Variants in MCF2L observed in about 807,000 individuals in gnomAD.
MCF2L encodes guanine nucleotide exchange factor DBS.
Under a neutral mutation model 153.4 loss-of-function variants are expected in MCF2L, and 97 were observed. The observed-to-expected ratio is 0.63, with a 90% CI of 0.54 to 0.75. MCF2L has a LOEUF of 0.75. Ranked by LOEUF, MCF2L falls within the 30% of genes least tolerant of loss-of-function variation. The probability of loss-of-function intolerance (pLI) is 0.00; values close to 1 mark genes in which losing one functional copy is unlikely to be tolerated. For synonymous variants in MCF2L, 659 were observed against 632.2 expected (o/e 1.04, Z -0.64); for missense variants, 1,347 against 1,495.2 (o/e 0.90, Z 1.64).
At chr13:112,937,334 A>C (rs1394815235) in intron 2 of MCF2L, among the ~76,000 whole-genome samples, 2 of 152,204 alleles carry the variant, frequency 1.3e-5, no homozygotes, top group Non-Finnish European at 2.9e-5. Context: ...GGATGATTAC[A>C]TATATTTTTT....
intron 11 of MCF2L, 25 bp downstream of exon 11, chr13:113,075,214 ACTCC>A (rs1421197588): frequency 6.5e-7 from 1 of 1,545,514 alleles, no homozygotes; most frequent in African/African-American, 1.4e-5. Flanking sequence ...ACCCCACCCC[ACTCC>A]CCCCCAGCTG....
chr13:112,960,308 A>G lies in MCF2L; in HGVS notation c.170-54455A>G, dbSNP rs2081809452. 6.6e-6 allele frequency among the ~76,000 whole-genome samples: 1 copy of G among 152,186 alleles called. No individual in the cohort carries two copies. Among genetic ancestry groups the G allele is most frequent in the African/African-American group, 2.4e-5 (1 of 41,450 alleles). ...GAGAGGGGGCCAAGCGCGCTCTCACAACTGAAACAGCGCTCGTCCAGTCAT... is the reference window on the plus strand; with the variant it reads ...GAGAGGGGGCCAAGCGCGCTCTCACGACTGAAACAGCGCTCGTCCAGTCAT... On this transcript the variant is annotated intron_variant, in intron 2 of 29. Transcript: ENST00000375608. This position sits in a 1 kb window ranked among gnomAD's most constrained non-coding sequence, Gnocchi z 4.2.
At chr13:112,936,674 C>G (rs2081518462) in intron 2 of MCF2L, among the ~76,000 whole-genome samples, 1 of 152,118 alleles carries the variant, frequency 6.6e-6, no homozygotes, top group Admixed American at 6.5e-5. Flanking sequence ...CAGTATGCTC[C>G]CAAACATTTA....
rs376671600 is a variant in MCF2L at position 112,999,415 on chromosome 13, C to T, written c.80-15348C>T. On this transcript the variant is annotated intron_variant, in intron 1 of 29. Coordinates refer to ENST00000535094, the MANE Select transcript of MCF2L (RefSeq NM_001112732.3). ...CGACGCCCTCTCCTTAGAGGACAGC[C>T]TCTGGCACCGCTCACTCACTGTCCC... Among the ~76,000 whole-genome samples the T allele has an allele frequency of 1.2e-4, 18 of 152,368 alleles. No homozygotes were observed. The South Asian group carries it at 2.3e-3, about 19-fold the overall frequency.
intron 2 of MCF2L, among the ~76,000 whole-genome samples, chr13:112,918,761 T>C (rs1217962685): frequency 6.6e-6 from 1 of 152,178 alleles, no homozygotes; most frequent in African/African-American, 2.4e-5. Context: ...ATGCAGCATT[T>C]TAATTCACTG....
chr13:112,917,304 T>C, intron 2 of MCF2L: 1 of 393,368 alleles, frequency 2.5e-6, no homozygotes, highest in Non-Finnish European at 5.1e-6. Flanking sequence ...TCACTGCACC[T>C]CTCCGTCCAG....
intron 2 of MCF2L, among the ~76,000 whole-genome samples, chr13:113,016,968 C>T (rs1200681343): frequency 6.6e-6 from 1 of 152,226 alleles, no homozygotes; most frequent in Non-Finnish European, 1.5e-5. Context: ...GAGGGCTCAG[C>T]CATGGGCCCA....
intron 2 of MCF2L, chr13:112,917,434 C>T (rs530707944): frequency 8.1e-5 from 27 of 334,400 alleles, no homozygotes; most frequent in South Asian, 2.8e-4. Context: ...GCCAGGCTAC[C>T]GCCCTGTCTC....
intron 3 of MCF2L, among the ~76,000 whole-genome samples, chr13:113,039,638 A>C (rs1306614959): frequency 1.3e-5 from 2 of 152,236 alleles, no homozygotes; most frequent in Non-Finnish European, 2.9e-5. Flanking sequence ...AGAATCTAGT[A>C]GAAAAACAAC....
At chr13:112,992,722 A>AGG (rs1159683957) in intron 1 of MCF2L, among the ~76,000 whole-genome samples, 1 of 152,206 alleles carries the variant, frequency 6.6e-6, no homozygotes, top group Non-Finnish European at 1.5e-5. Context: ...CTTGGCACTT[A>AGG]CGTAACTTAC....
intron 21 of MCF2L, among the ~76,000 whole-genome samples, chr13:113,086,668 G>T (rs1440164544): frequency 6.6e-6 from 1 of 152,132 alleles, no homozygotes; most frequent in Non-Finnish European, 1.5e-5. Context: ...CACTTTCCCC[G>T]TAGAGCCCCA....
At chr13:113,003,554 G>A (rs1003228943) in intron 1 of MCF2L, among the ~76,000 whole-genome samples, 4 of 152,090 alleles carry the variant, frequency 2.6e-5, no homozygotes, top group South Asian at 2.1e-4. Context: ...CCCTGGTTTT[G>A]CACCCCTGAA....
rs1368653152 is a variant in MCF2L, at chr13:113,065,071, A to G, written c.742A>G (p.Lys248Glu). The G allele has an allele frequency of 6.8e-7, 1 of 1,467,682 alleles. No homozygotes were observed. Among genetic ancestry groups the G allele is most frequent in the Non-Finnish European group, 9.1e-7 (1 of 1,093,094 alleles). The allele number at this position is 1,467,682 out of a possible 1,614,324, so 90.9% of individuals were successfully genotyped here. ...SSVLCAHTEKKDKAKEDLRLA... is the reference protein window; with the variant it reads ...SSVLCAHTEKEDKAKEDLRLA... Reference sequence around the variant, plus strand: ...AGTGCTGTGTGCGCACACAGAGAAGAAGGACAAGGCGAAGGTACATGGGGG... The same window carrying G: ...AGTGCTGTGTGCGCACACAGAGAAGGAGGACAAGGCGAAGGTACATGGGGG... Residue 248 changes from lysine (K) to glutamate (E), a missense_variant, in exon 7 of 30, where the codon AAG becomes GAG. Physicochemically the swap from Lys to Glu is moderately conservative, Grantham distance 56 (BLOSUM62 1). Around this residue, in one of 3 missense-constraint regions of MCF2L, gnomAD observed 820 missense variants for 921.2 expected, o/e 0.89. Coordinates refer to ENST00000535094, the MANE Select transcript of MCF2L (RefSeq NM_001112732.3).
In MCF2L at chr13:113,078,246, C is replaced by T. The variant is rs1238900350; in HGVS notation, c.1661-117C>T. ...GGCCAAGTCCTGCCCACGCCACCAC[C>T]TGTGGCCTCAGAGGCCGAGTCCTAC... On this transcript the variant is annotated intron_variant, in intron 13 of 29. Coordinates refer to ENST00000535094, the MANE Select transcript of MCF2L (RefSeq NM_001112732.3). 5 of 806,316 alleles carry T rather than the reference C, an allele frequency of 6.2e-6. No individual in the cohort carries two copies. In the Admixed American group the frequency reaches 1.0e-4, roughly 17 times the overall value. 49.9% of individuals were successfully genotyped at this position (806,316 alleles called of 1,614,324 possible).
chr13:112,915,409 A>G (rs1425344157), intron 2 of MCF2L, among the ~76,000 whole-genome samples: 1 of 99,972 alleles, frequency 1.0e-5, no homozygotes, highest in Non-Finnish European at 2.1e-5. Flanking sequence ...ACTCTGTCTC[A>G]CAAAAAAAAA....
intron 1 of MCF2L, among the ~76,000 whole-genome samples, chr13:112,989,573 C>G (rs12873655): frequency 1.4e-4 from 2 of 14,650 alleles, no homozygotes. Flanking sequence ...CTGAGCAGGA[C>G]ATGGAGCTAC....
At chr13:113,032,318 T>C (rs889340306) in intron 3 of MCF2L, among the ~76,000 whole-genome samples, 1 of 152,194 alleles carries the variant, frequency 6.6e-6, no homozygotes, top group Non-Finnish European at 1.5e-5. Context: ...ACAGGAAGTG[T>C]CTGTGAGCGT....
Position 113,096,622 on chromosome 13 carries a change from G to T in MCF2L, c.3261G>T (p.Pro1087=). 1 of 1,594,362 alleles carries T rather than the reference G, an allele frequency of 6.3e-7. No homozygotes were observed. Residue 1087 remains proline (P), a synonymous_variant, in exon 29 of 30, where the codon CCG becomes CCT. Transcript: ENST00000535094. ...PASSLSVRLG[P]SGSAQCLSSS... is the part of the protein sequence containing the mutation. Reference sequence around the variant, plus strand: ...GCAGCCTGTCCGTCCGGCTCGGCCCGTCCGGCTCGGCCCAGTGCCTGAGCA... The same window carrying T: ...GCAGCCTGTCCGTCCGGCTCGGCCCTTCCGGCTCGGCCCAGTGCCTGAGCA...
At chr13:112,985,966 C>T (rs572195717) in intron 1 of MCF2L, among the ~76,000 whole-genome samples, 32 of 152,338 alleles carry the variant, frequency 2.1e-4, no homozygotes, top group African/African-American at 5.3e-4. Context: ...CACGGTCAGC[C>T]GTGCAGGGAG....
Sources: gnomAD v4.1 joint callset for allele counts (sites outside exome capture counted in the v4.1 genomes callset) on GRCh38, gnomAD v4.1.1 for gene constraint, gnomAD v4.1.1 regional missense constraint, Gnocchi (gnomAD v3.1) non-coding constraint, MANE v1.5 for transcripts, NCBI Gene and HGNC (gene_info 2026-07-23, HGNC 2026-07-21) for gene names.